B3GALT1: variants seen among roughly 807,000 people sequenced by gnomAD.
The protein encoded by B3GALT1 is UDP-Gal:betaGlcNAc beta 1,3-galactosyltransferase, polypeptide 1.
A neutral mutation model predicts 23.2 loss-of-function variants in B3GALT1; 10 were observed. That is an observed-to-expected ratio of 0.43 (90% confidence interval 0.27 to 0.73). The LOEUF is 0.73. B3GALT1 is among the 30% of genes least tolerant of loss of function. The pLI, the probability that B3GALT1 is intolerant of heterozygous loss-of-function variation, is 0.21. For synonymous variants in B3GALT1, 156 were observed against 141.5 expected, an observed-to-expected ratio of 1.10 and a Z score of -0.73; for missense variants, 299 against 405.4, an observed-to-expected ratio of 0.74 and a Z score of 2.25.
chr2:167,408,679 CTT>C, intron 1 of B3GALT1, among the ~76,000 whole-genome samples: 1 of 151,764 alleles, frequency 6.6e-6, no homozygotes, highest in East Asian at 1.9e-4. Context: ...ATCAGTAACA[CTT>C]ATATATGGCC....
chr2:167,764,329 A>G (rs1010999212), intron 3 of B3GALT1, among the ~76,000 whole-genome samples: 4 of 152,206 alleles, frequency 2.6e-5, no homozygotes, highest in African/African-American at 9.7e-5. Context: ...CAATTATGTG[A>G]CATAGTCCAC....
chr2:167,439,442 T>C (rs1698842198), intron 1 of B3GALT1, among the ~76,000 whole-genome samples: 1 of 152,202 alleles, frequency 6.6e-6, no homozygotes, highest in Non-Finnish European at 1.5e-5. Flanking sequence ...ACTTGCTAGA[T>C]TTGGGTGTAT....
At chr2:167,748,213 T>A (rs1228874490) in intron 3 of B3GALT1, among the ~76,000 whole-genome samples, 1 of 152,184 alleles carries the variant, frequency 6.6e-6, no homozygotes. Flanking sequence ...CAATGCTTGA[T>A]GCCATCATTA....
chr2:167,740,039 C>T (rs1687555531), intron 3 of B3GALT1, among the ~76,000 whole-genome samples: 2 of 151,258 alleles, frequency 1.3e-5, no homozygotes, highest in African/African-American at 4.9e-5. Flanking sequence ...TTCAAGGCTG[C>T]AGTGAGCCAT....
chr2:167,650,938 C>G (rs1236709834), intron 3 of B3GALT1, among the ~76,000 whole-genome samples: 2 of 152,242 alleles, frequency 1.3e-5, no homozygotes, highest in South Asian at 2.1e-4. Context: ...AAAAGAATAT[C>G]TCTTCCTTTA....
chr2:167,318,065 C>T (rs371822728), intron 1 of B3GALT1, among the ~76,000 whole-genome samples: 3 of 152,046 alleles, frequency 2.0e-5, no homozygotes, highest in South Asian at 2.1e-4. Context: ...CGGTGGCTCA[C>T]GCCTGTAATC....
At chr2:167,856,451 C>T (rs11885816) in intron 4 of B3GALT1, among the ~76,000 whole-genome samples, 3 of 152,088 alleles carry the variant, frequency 2.0e-5, no homozygotes, top group African/African-American at 7.2e-5. Context: ...ATGAGTACTC[C>T]ATGCTGATGA....
Position 167,354,819 on chromosome 2 carries a change from T to A in B3GALT1, c.-511+61485T>A, listed in dbSNP as rs13400173. 2.6e-3 allele frequency among the ~76,000 whole-genome samples: 394 copies of A among 152,332 alleles called. 4 individuals carry two copies. Among genetic ancestry groups the A allele is most frequent in the South Asian group, 0.014 (66 of 4,832 alleles). ...CTCACAGTCCTTCAATTGTCTTTTATTGCCTGCACCACATTTATTGTCTTC... is the reference window on the plus strand; with the variant it reads ...CTCACAGTCCTTCAATTGTCTTTTAATGCCTGCACCACATTTATTGTCTTC... On this transcript the variant is annotated intron_variant, in intron 1 of 4. Coordinates refer to ENST00000392690, the MANE Select transcript of B3GALT1 (RefSeq NM_020981.4).
chr2:167,839,584 A>G (rs1411807578), intron 4 of B3GALT1, among the ~76,000 whole-genome samples: 9 of 152,404 alleles, frequency 5.9e-5, no homozygotes, highest in South Asian at 2.1e-4. Flanking sequence ...AATCAATATC[A>G]TGAAAATGGC....
At chr2:167,435,096 T>C (rs2030657) in intron 1 of B3GALT1, among the ~76,000 whole-genome samples, 29,983 of 151,844 alleles carry the variant, frequency 0.2, 5,111 homozygotes, top group African/African-American at 0.47. Flanking sequence ...TCATAGTGGT[T>C]AACACATTCT....
chr2:167,403,098 G>A (rs1342359829), intron 1 of B3GALT1, among the ~76,000 whole-genome samples: 1 of 151,798 alleles, frequency 6.6e-6, no homozygotes, highest in African/African-American at 2.4e-5. Flanking sequence ...AGGTAGACAT[G>A]TGCCATGTTG....
chr2:167,294,687 G>A (rs1393051514), intron 1 of B3GALT1, among the ~76,000 whole-genome samples: 1 of 152,230 alleles, frequency 6.6e-6, no homozygotes, highest in Non-Finnish European at 1.5e-5. Context: ...CTTGACTGGC[G>A]TTGGGGTTGC....
chr2:167,575,840 ATTT>A (rs1193439366), intron 2 of B3GALT1, among the ~76,000 whole-genome samples: 1 of 151,708 alleles, frequency 6.6e-6, no homozygotes, highest in Admixed American at 6.6e-5. Flanking sequence ...TTATAACCTG[ATTT>A]TTATGGCTTC....
At chr2:167,501,432 A>G (rs936894839) in intron 2 of B3GALT1, among the ~76,000 whole-genome samples, 10 of 151,992 alleles carry the variant, frequency 6.6e-5, no homozygotes, top group African/African-American at 2.4e-4. Context: ...CTAGTGTTCA[A>G]ATCTCAAGTT....
intron 2 of B3GALT1, among the ~76,000 whole-genome samples, chr2:167,632,976 A>C (rs1390043735): frequency 6.6e-6 from 1 of 151,916 alleles, no homozygotes; most frequent in Non-Finnish European, 1.5e-5. Context: ...TTTTTGTATA[A>C]GGTGTAAGGA....
At chr2:167,658,374 G>C (rs1233435794) in intron 3 of B3GALT1, among the ~76,000 whole-genome samples, 1 of 152,064 alleles carries the variant, frequency 6.6e-6, no homozygotes, top group East Asian at 1.9e-4. Context: ...GAGAGGGGAA[G>C]TTTAATTAGG....
intron 3 of B3GALT1, among the ~76,000 whole-genome samples, chr2:167,731,044 A>G (rs769220241): frequency 2.6e-5 from 4 of 152,164 alleles, no homozygotes; most frequent in Non-Finnish European, 4.4e-5. Flanking sequence ...TAAGTGGTGC[A>G]GTAGGGACTT....
At chr2:167,550,264 A>T (rs542377976) in intron 2 of B3GALT1, among the ~76,000 whole-genome samples, 1 of 152,344 alleles carries the variant, frequency 6.6e-6, no homozygotes, top group African/African-American at 2.4e-5. Context: ...TACACTTATT[A>T]TCCTTTAGAT....
At chr2:167,708,873 A>T (rs1465965052) in intron 3 of B3GALT1, among the ~76,000 whole-genome samples, 2 of 152,160 alleles carry the variant, frequency 1.3e-5, no homozygotes, top group Non-Finnish European at 2.9e-5. Context: ...AATATAAATA[A>T]TGCCACCACC....
Sources: allele counts gnomAD v4.1 joint callset (sites outside exome capture counted in the v4.1 genomes callset), GRCh38; gene constraint gnomAD v4.1.1; transcripts MANE v1.5; gene names NCBI Gene and HGNC (gene_info 2026-07-23, HGNC 2026-07-21).